DOCK8: variants seen among roughly 807,000 people sequenced by gnomAD.
DOCK8 encodes the protein dedicator of cytokinesis 8.
In DOCK8, 141 loss-of-function variants were observed where a neutral mutation model predicts 245.6. The observed-to-expected ratio is 0.57, with a 90% CI of 0.50 to 0.66. The LOEUF (loss-of-function observed/expected upper bound fraction) is 0.66, where lower values mean the gene tolerates loss of function less well. DOCK8 is among the 30% of genes least tolerant of loss of function. The pLI is 0.00. For synonymous variants in DOCK8, 1,168 were observed against 970.2 expected, an observed-to-expected ratio of 1.20 and a Z score of -3.79; for missense variants, 2,965 against 2,603.4, an observed-to-expected ratio of 1.14 and a Z score of -3.02.
chr9:311,687 T>C (rs970747986), intron 5 of DOCK8, among the ~76,000 whole-genome samples: 1 of 152,152 alleles, frequency 6.6e-6, no homozygotes, highest in African/African-American at 2.4e-5. Flanking sequence ...GTAGTACTGT[T>C]TTTAGTCCTT....
rs556008288 is a variant in DOCK8 at position 303,818 on chromosome 9, A to T, written c.405-763A>T. ...AATAAAAGTTGGAAAAAAATAAAAG[A>T]TAAGATATCCCGTATCCTCAATAAA... is the stretch of plus-strand genomic sequence containing the variant. On this transcript the variant is annotated intron_variant, in intron 4 of 47. Coordinates refer to ENST00000432829, the MANE Select transcript of DOCK8 (RefSeq NM_203447.4). Among the ~76,000 whole-genome samples the T allele has an allele frequency of 2.6e-5, 4 of 152,324 alleles. No individual in the cohort carries two copies. The South Asian group carries it at 8.3e-4, about 32-fold the overall frequency.
chr9:380,000 G>A (rs2053678782), intron 21 of DOCK8, 65 bp downstream of exon 21: 9 of 1,557,228 alleles, frequency 5.8e-6, no homozygotes, highest in East Asian at 4.7e-5. Context: ...CCACTGCAGT[G>A]TAATCCAAAA....
At chr9:312,635 G>T in intron 6 of DOCK8, 1 of 358,684 alleles carries the variant, frequency 2.8e-6, no homozygotes, top group Non-Finnish European at 5.4e-6. Flanking sequence ...TTTCAGGCTA[G>T]GATAATCACA....
At chr9:345,287 C>G (rs1342451700) in intron 14 of DOCK8, among the ~76,000 whole-genome samples, 1 of 152,152 alleles carries the variant, frequency 6.6e-6, no homozygotes, top group Non-Finnish European at 1.5e-5. Context: ...ATAGAGGATT[C>G]ACCTCATGAA....
At chr9:400,691 TCCA>T (rs1199936830) in intron 26 of DOCK8, among the ~76,000 whole-genome samples, 11 of 48,134 alleles carry the variant, frequency 2.3e-4, no homozygotes, top group Non-Finnish European at 3.1e-4. Flanking sequence ...CACCACCACC[TCCA>T]CCACCACCAC....
chr9:403,918 A>ATGTG (rs1564021265), intron 26 of DOCK8, among the ~76,000 whole-genome samples: 2 of 75,240 alleles, frequency 2.7e-5, no homozygotes, highest in African/African-American at 1.7e-4. Context: ...ATATATATAC[A>ATGTG]TATATATATA....
At chr9:298,825 G>T (rs935296553) in intron 4 of DOCK8, among the ~76,000 whole-genome samples, 2 of 151,038 alleles carry the variant, frequency 1.3e-5, no homozygotes, top group Admixed American at 6.6e-5. Context: ...TGGCCCAAAA[G>T]TCTCCTTGTA....
At chr9:217,300 G>C (rs1470997635) in intron 1 of DOCK8, among the ~76,000 whole-genome samples, 2 of 152,170 alleles carry the variant, frequency 1.3e-5, no homozygotes, top group African/African-American at 4.8e-5. Flanking sequence ...AGATAGAAAG[G>C]TAGGAAGGAA....
chr9:368,577 G>A (rs969961460), intron 15 of DOCK8: 2 of 313,352 alleles, frequency 6.4e-6, no homozygotes, highest in East Asian at 5.3e-5. Context: ...ACAAAGTACC[G>A]CCTAGTAATT....
chr9:345,077 A>G (rs2051813402), intron 14 of DOCK8, among the ~76,000 whole-genome samples: 1 of 152,204 alleles, frequency 6.6e-6, no homozygotes, highest in Non-Finnish European at 1.5e-5. Flanking sequence ...TTATCTTGGC[A>G]GGGACAGCAG....
rs1564023143 is a variant in DOCK8 at position 404,956 on chromosome 9, C to T, written c.3273C>T (p.Ser1091=). 27 of 1,614,078 alleles carry T rather than the reference C, an allele frequency of 1.7e-5. No individual in the cohort carries two copies. The highest frequency in any genetic ancestry group is 2.3e-5 in the Non-Finnish European group (27 of 1,180,016). ...TCAGTAACCTTCCAACGCTCATTTCCATGAGGCTAGAGTTCCTGAGAATCC... is the reference window on the plus strand; with the variant it reads ...TCAGTAACCTTCCAACGCTCATTTCTATGAGGCTAGAGTTCCTGAGAATCC... ...AKLSNLPTLI[S]MRLEFLRILC... is the part of the protein sequence containing the mutation. The change falls in exon 27 of 48, where the codon TCC becomes TCT. Residue 1091 remains serine, a synonymous_variant. Coordinates refer to ENST00000432829, the MANE Select transcript of DOCK8 (RefSeq NM_203447.4).
intron 1 of DOCK8, among the ~76,000 whole-genome samples, chr9:244,931 G>T (rs1474483796): frequency 6.6e-6 from 1 of 152,146 alleles, no homozygotes; most frequent in African/African-American, 2.4e-5. Flanking sequence ...TTTCTCCAGG[G>T]GAATTCATGA....
chr9:357,439 C>G (rs75281259), intron 14 of DOCK8, among the ~76,000 whole-genome samples: 2,622 of 152,236 alleles, frequency 0.017, 80 homozygotes, highest in African/African-American at 0.059. Context: ...TTAAGACTGG[C>G]TATTGTTTTA....
chr9:286,831 A>T (rs2048843561), intron 3 of DOCK8, among the ~76,000 whole-genome samples, 195 bp downstream of exon 3: 1 of 152,218 alleles, frequency 6.6e-6, no homozygotes, highest in Admixed American at 6.5e-5. Context: ...AGAGATTTTG[A>T]AAAGCTATGT....
Position 431,392 on chromosome 9 carries a change from A to T in DOCK8, c.4627-774A>T, listed in dbSNP as rs373314686. On this transcript the variant is annotated intron_variant, in intron 36 of 47. Coordinates refer to ENST00000432829, the MANE Select transcript of DOCK8 (RefSeq NM_203447.4). ...TATTAGGGATGATTATTTAAAAGAC[A>T]TTCCTCAGGGGACCTTGAGGTAGCC... Among the ~76,000 whole-genome samples, 248 of 152,316 alleles carry T rather than the reference A, an allele frequency of 1.6e-3. 2 individuals are homozygous for T. Among genetic ancestry groups the T allele is most frequent in the African/African-American group, 5.8e-3 (240 of 41,566 alleles).
chr9:409,070 C>T (rs1169156783), intron 28 of DOCK8, among the ~76,000 whole-genome samples: 1 of 152,098 alleles, frequency 6.6e-6, no homozygotes. Flanking sequence ...AGAAAAATGT[C>T]ATGCTTCAAC....
At chr9:262,711 T>C (rs1415365318) in intron 1 of DOCK8, among the ~76,000 whole-genome samples, 4 of 152,060 alleles carry the variant, frequency 2.6e-5, no homozygotes, top group Non-Finnish European at 5.9e-5. Context: ...GAAACTTTTT[T>C]ATTGTAGTAA....
At chr9:299,495 T>C (rs2049426849) in intron 4 of DOCK8, among the ~76,000 whole-genome samples, 1 of 152,136 alleles carries the variant, frequency 6.6e-6, no homozygotes, top group Non-Finnish European at 1.5e-5. Flanking sequence ...ACTCCTGGGC[T>C]CAAGTGGTGC....
intron 9 of DOCK8, among the ~76,000 whole-genome samples, chr9:329,250 C>A (rs2050900099): frequency 6.6e-6 from 1 of 152,098 alleles, no homozygotes; most frequent in African/African-American, 2.4e-5. Context: ...CTGTGCCCGG[C>A]CGTAAAATCA....
Sources: allele counts gnomAD v4.1 joint callset (sites outside exome capture counted in the v4.1 genomes callset), GRCh38; gene constraint gnomAD v4.1.1; transcripts MANE v1.5; gene names NCBI Gene and HGNC (gene_info 2026-07-23, HGNC 2026-07-21).